The following RPTOR variants were observed in gnomAD, a reference collection of about 807,000 sequenced individuals.
RPTOR encodes regulatory-associated protein of mTOR.
A neutral mutation model predicts 169.9 loss-of-function variants in RPTOR; 21 were observed. The ratio of observed to expected loss-of-function variants is 0.12; its 90% CI spans 0.09 to 0.18. The LOEUF is 0.18. RPTOR is among the 10% of genes least tolerant of loss of function. RPTOR has a pLI of 1.00. For missense variants in RPTOR, 1,133 were observed against 1,855.9 expected (o/e 0.61, Z 7.16); for synonymous variants, 732 against 753.2 (o/e 0.97, Z 0.46).
intron 5 of RPTOR, among the ~76,000 whole-genome samples, chr17:80,744,527 GGC>G (rs2066543037): frequency 3.5e-5 from 3 of 86,666 alleles, no homozygotes; most frequent in Non-Finnish European, 7.7e-5. Context: ...GCACAGCCCT[GGC>G]TACTAGCACA....
At chr17:80,791,194 C>T (rs1337159465) in intron 6 of RPTOR, among the ~76,000 whole-genome samples, 1 of 151,570 alleles carries the variant, frequency 6.6e-6, no homozygotes, top group African/African-American at 2.4e-5. Context: ...GACCGGGCTT[C>T]ATGTGGCTGC....
Position 80,789,235 on chromosome 17 carries a change from A to G in RPTOR, c.831-2215A>G, listed in dbSNP as rs898138094. On this transcript the variant is annotated intron_variant, in intron 6 of 33. Transcript: ENST00000306801. Reference sequence around the variant, plus strand: ...CTTTTTTCTCTTGATTTTAGATAGTATACTATCTGTTGTGGATGAGGCATT... The same window carrying G: ...CTTTTTTCTCTTGATTTTAGATAGTGTACTATCTGTTGTGGATGAGGCATT... Among the ~76,000 whole-genome samples the G allele has an allele frequency of 5.9e-5, 9 of 152,276 alleles. No individual in the cohort carries two copies. In the South Asian group the frequency reaches 6.2e-4, roughly 11 times the overall value.
chr17:80,797,201 CA>C (rs1174699440), intron 7 of RPTOR, among the ~76,000 whole-genome samples: 7 of 152,324 alleles, frequency 4.6e-5, no homozygotes, highest in Non-Finnish European at 4.4e-5. Flanking sequence ...GGTGCCGTCT[CA>C]GCTCACTGTA....
intron 5 of RPTOR, among the ~76,000 whole-genome samples, chr17:80,737,809 G>GCC (rs71163994): frequency 0.15 from 19,689 of 133,018 alleles, 1,628 homozygotes; most frequent in East Asian, 0.24. Context: ...TTTCTCCCCC[G>GCC]CCCCCCCGCC....
chr17:80,694,425 C>T (rs74002831), intron 3 of RPTOR, among the ~76,000 whole-genome samples: 32 of 152,356 alleles, frequency 2.1e-4, no homozygotes, highest in African/African-American at 7.7e-4. Flanking sequence ...TCGGCCTCCA[C>T]AGTCGCACAA....
intron 3 of RPTOR, among the ~76,000 whole-genome samples, chr17:80,644,593 C>A (rs1023450151): frequency 6.6e-6 from 1 of 152,072 alleles, no homozygotes; most frequent in Non-Finnish European, 1.5e-5. Context: ...TGAGAAGGTG[C>A]GCGTCTCCTG....
At chr17:80,553,211 C>T (rs965743708) in intron 1 of RPTOR, among the ~76,000 whole-genome samples, 1 of 152,218 alleles carries the variant, frequency 6.6e-6, no homozygotes, top group African/African-American at 2.4e-5. Flanking sequence ...GTTAAGCACA[C>T]ATCTTTTTCA....
rs2144096939 is a variant in RPTOR, at chr17:80,960,080, C to T, written c.3480C>T (p.Asp1160=). The T allele has an allele frequency of 6.2e-7, 1 of 1,613,610 alleles. No individual in the cohort carries two copies. ...WDTDREMKVQ[D]IPTGADSCVT... ...GGGCTGCCTGTGTTTGGCTCTAGGA[C>T]ATCCCTACGGGCGCAGACAGCTGTG... Residue 1160 remains aspartate (D), a splice_region_variant and synonymous_variant, in exon 30 of 34, where the codon GAC becomes GAT. Coordinates refer to ENST00000306801, the MANE Select transcript of RPTOR (RefSeq NM_020761.3). This position sits in a 1 kb window ranked among gnomAD's most constrained non-coding sequence, Gnocchi z 4.8.
In RPTOR at chr17:80,659,022, G is replaced by A. The variant is rs1567843017; in HGVS notation, c.348+15212G>A. Among the ~76,000 whole-genome samples the A allele has an allele frequency of 6.6e-6, 1 of 152,168 alleles. No individual in the cohort carries two copies. Among genetic ancestry groups the A allele is most frequent in the African/African-American group, 2.4e-5 (1 of 41,436 alleles). On this transcript the variant is annotated intron_variant, in intron 3 of 33. Transcript: ENST00000306801. The surrounding 1 kb of genome is among the most constrained non-coding windows in gnomAD (Gnocchi z 4.3). ...TCAGCTGTTGCTGTCAGCACAGTGT[G>A]GACTTGAGGGCATGACTAGACAGAG...
chr17:80,709,119 C>T (rs1169212870), intron 4 of RPTOR: 2 of 984,348 alleles, frequency 2.0e-6, no homozygotes, highest in Non-Finnish European at 2.4e-6. Flanking sequence ...AGAAAGGTAT[C>T]CACCCAGCTC....
rs1411934779 is a variant in RPTOR at position 80,803,075 on chromosome 17, A to T, written c.890+11566A>T. 1 of 152,364 alleles carries T rather than the reference A, an allele frequency of 6.6e-6. No homozygotes were observed. Among genetic ancestry groups the T allele is most frequent in the Non-Finnish European group, 1.5e-5 (1 of 68,170 alleles). 9.4% of individuals were successfully genotyped at this position (152,364 alleles called of 1,614,324 possible). A position where few individuals can be genotyped will look rare whatever the true frequency, so the allele number is the denominator to read the frequency against. ...GGGTGCCTGGAGTGCCTCCTCTGGC[A>T]GGGGTGCCTCCTTGGATCTGTTTAT... On this transcript the variant is annotated intron_variant, in intron 7 of 33. Transcript: ENST00000306801. This position sits in a 1 kb window ranked among gnomAD's most constrained non-coding sequence, Gnocchi z 6.2.
At chr17:80,570,080 T>A (rs2064887470) in intron 1 of RPTOR, among the ~76,000 whole-genome samples, 1 of 152,118 alleles carries the variant, frequency 6.6e-6, no homozygotes, top group Non-Finnish European at 1.5e-5. Flanking sequence ...TCATTCTGGC[T>A]GCTGTGGCCA....
chr17:80,862,501 C>T (rs761225485), intron 13 of RPTOR, among the ~76,000 whole-genome samples: 9 of 151,602 alleles, frequency 5.9e-5, no homozygotes, highest in Admixed American at 1.3e-4. Context: ...GCACCCCCTA[C>T]AATGTGTGCA....
intron 21 of RPTOR, among the ~76,000 whole-genome samples, chr17:80,922,144 C>T (rs1475998408): frequency 6.6e-6 from 1 of 152,206 alleles, no homozygotes; most frequent in Non-Finnish European, 1.5e-5. Context: ...TGGTGGCTTT[C>T]CACCCCGTGC....
chr17:80,665,396 TCC>T (rs1567846067), intron 3 of RPTOR, among the ~76,000 whole-genome samples: 1,850 of 8,962 alleles, frequency 0.21, 164 homozygotes, highest in East Asian at 0.25. Context: ...TCCTTTCCTT[TCC>T]TTTCCTTTCC....
chr17:80,916,415 C>A (rs79740806), intron 21 of RPTOR, among the ~76,000 whole-genome samples: 174 of 152,362 alleles, frequency 1.1e-3, no homozygotes, highest in African/African-American at 3.9e-3. Flanking sequence ...TGCCCACCCC[C>A]CTGCAGCCAG....
At chr17:80,613,068 G>A (rs2065282492) in intron 1 of RPTOR, among the ~76,000 whole-genome samples, 1 of 152,112 alleles carries the variant, frequency 6.6e-6, no homozygotes, top group South Asian at 2.1e-4. Flanking sequence ...TAAGATGAAG[G>A]CCCCCCTGCC....
Position 80,922,743 on chromosome 17 carries a change from C to T in RPTOR, c.2540C>T (p.Pro847Leu), listed in dbSNP as rs762927626. ...CCCTAGGCCACCGTGAACGCCCGGC[C>T]GCAGCGCGTCCTGGACACCTCCTCC... Reference protein sequence around the residue: ...IAYKATVNARPQRVLDTSSLT... With the variant: ...IAYKATVNARLQRVLDTSSLT... Residue 847 changes from proline (P) to leucine (L), a missense_variant, in exon 22 of 34, where the codon CCG becomes CTG. Around this residue, in one of 9 missense-constraint regions of RPTOR, gnomAD observed 123 missense variants for 129.0 expected, o/e 0.95. Coordinates refer to ENST00000306801, the MANE Select transcript of RPTOR (RefSeq NM_020761.3). 1.9e-6 allele frequency: 3 copies of T among 1,588,480 alleles called. No individual in the cohort carries two copies. Among genetic ancestry groups the T allele is most frequent in the South Asian group, 2.3e-5 (2 of 87,732 alleles).
intron 7 of RPTOR, among the ~76,000 whole-genome samples, chr17:80,795,145 C>A (rs1201012554): frequency 6.6e-6 from 1 of 152,172 alleles, no homozygotes; most frequent in African/African-American, 2.4e-5. Flanking sequence ...GCCACCGCTG[C>A]GGACAACAGG....
Sources: allele counts gnomAD v4.1 joint callset (sites outside exome capture counted in the v4.1 genomes callset), GRCh38; gene constraint gnomAD v4.1.1; regional missense constraint gnomAD v4.1.1; non-coding constraint Gnocchi (gnomAD v3.1); transcripts MANE v1.5; gene names NCBI Gene and HGNC (gene_info 2026-07-23, HGNC 2026-07-21).